The following RBM20 variants were observed in gnomAD, a reference collection of about 807,000 sequenced individuals.
RBM20 encodes the protein RNA binding motif protein 20.
RBM20 carries 51 observed loss-of-function variants against 110.1 expected under a neutral mutation model. The observed-to-expected ratio is 0.46, with a 90% confidence interval of 0.37 to 0.59. The LOEUF (loss-of-function observed/expected upper bound fraction) is 0.59. RBM20 is among the 20% of genes least tolerant of loss of function. The pLI is 0.00. For synonymous variants in RBM20, 589 were observed against 618.2 expected, an observed-to-expected ratio of 0.95 and a Z score of 0.70; for missense variants, 1,512 against 1,574.9, an observed-to-expected ratio of 0.96 and a Z score of 0.68.
intron 5 of RBM20, among the ~76,000 whole-genome samples, chr10:110,786,464 C>T (rs1844420114): frequency 6.6e-6 from 1 of 152,244 alleles, no homozygotes; most frequent in African/African-American, 2.4e-5. Flanking sequence ...TGAGGCCTGC[C>T]TGAGCCCAGG....
Position 110,685,359 on chromosome 10 carries a change from T to C in RBM20, c.191+40714T>C, listed in dbSNP as rs556387352. On this transcript the variant is annotated intron_variant, in intron 1 of 13. Transcript: ENST00000369519. ...GGTGATCTATTTTCGACTTGGAGACTGGTGACAAAGCTGTCTTCTGTCAGG... is the reference window on the plus strand; with the variant it reads ...GGTGATCTATTTTCGACTTGGAGACCGGTGACAAAGCTGTCTTCTGTCAGG... Among the ~76,000 whole-genome samples, 4 of 152,290 alleles carry C rather than the reference T, an allele frequency of 2.6e-5. No individual in the cohort carries two copies. The South Asian group carries it at 8.3e-4, about 32-fold the overall frequency.
rs971703468 is a variant in RBM20, at chr10:110,781,130, C to G, written c.521C>G (p.Pro174Arg). 4 of 1,551,684 alleles carry G rather than the reference C, an allele frequency of 2.6e-6. No homozygotes were observed. The highest frequency in any genetic ancestry group is 2.7e-5 in the African/African-American group (2 of 73,046). ...FPSNAIAFSP[P>R]SQTRGPGPSM... Reference sequence around the variant, plus strand: ...TCTAATGCAATTGCCTTTTCACCCCCCAGCCAGACACGAGGCCCCGGACCC... The same window carrying G: ...TCTAATGCAATTGCCTTTTCACCCCGCAGCCAGACACGAGGCCCCGGACCC... Residue 174 changes from proline to arginine, a missense_variant, in exon 2 of 14, where the codon CCC becomes CGC. Physicochemically the swap from Pro to Arg is moderately radical, Grantham distance 103 (BLOSUM62 -2). This residue lies in a region of RBM20 where 1,149 missense variants were observed against 1,169.4 expected (regional missense o/e 0.98). Transcript: ENST00000369519.
At chr10:110,816,958 C>T (rs1447052345) in intron 9 of RBM20, among the ~76,000 whole-genome samples, 1 of 152,202 alleles carries the variant, frequency 6.6e-6, no homozygotes, top group African/African-American at 2.4e-5. Flanking sequence ...AGCCAGTGTG[C>T]GTGCTGCTCC....
intron 1 of RBM20, among the ~76,000 whole-genome samples, chr10:110,710,960 A>G (rs66945442): frequency 0.26 from 40,253 of 151,932 alleles, 5,564 homozygotes; most frequent in African/African-American, 0.31. Flanking sequence ...CACCCCTAGA[A>G]GGGAATCCGG....
At chr10:110,675,021 A>G (rs1392881198) in intron 1 of RBM20, among the ~76,000 whole-genome samples, 4 of 152,224 alleles carry the variant, frequency 2.6e-5, no homozygotes, top group Non-Finnish European at 5.9e-5. Context: ...TTCTGTATCC[A>G]TGGTACATTG....
chr10:110,774,833 G>A (rs1281610360), intron 1 of RBM20, among the ~76,000 whole-genome samples: 1 of 152,132 alleles, frequency 6.6e-6, no homozygotes, highest in Admixed American at 6.5e-5. Flanking sequence ...TGTCACCTTT[G>A]TAACCTGACA....
intron 5 of RBM20, among the ~76,000 whole-genome samples, chr10:110,789,685 C>T (rs1005889785): frequency 5.9e-5 from 9 of 152,044 alleles, no homozygotes; most frequent in Admixed American, 1.3e-4. Context: ...TTGACAGAGA[C>T]GGGACACTGC....
intron 9 of RBM20, among the ~76,000 whole-genome samples, chr10:110,819,443 G>T (rs1844880476): frequency 6.6e-6 from 1 of 152,230 alleles, no homozygotes; most frequent in Non-Finnish European, 1.5e-5. Context: ...TAAAGGTTGG[G>T]TAGAGGCCCT....
At chr10:110,810,298 A>C (rs1844747891) in intron 7 of RBM20, 85 bp from the exon 8 acceptor site, 1 of 970,216 alleles carries the variant, frequency 1.0e-6, no homozygotes, top group South Asian at 1.4e-5. Context: ...TGGACCAGGC[A>C]ATGAATGACC....
At chr10:110,691,861 C>T (rs368112999) in intron 1 of RBM20, among the ~76,000 whole-genome samples, 9 of 152,170 alleles carry the variant, frequency 5.9e-5, no homozygotes, top group East Asian at 1.9e-4. Context: ...TCCAATGTTA[C>T]GAAGCATTCC....
At chr10:110,711,053 G>A (rs1161543882) in intron 1 of RBM20, among the ~76,000 whole-genome samples, 1 of 152,020 alleles carries the variant, frequency 6.6e-6, no homozygotes, top group Non-Finnish European at 1.5e-5. Flanking sequence ...GAGGACTTGT[G>A]GGGTGCGTGT....
chr10:110,709,157 G>A (rs1450110150), intron 1 of RBM20, among the ~76,000 whole-genome samples: 1 of 152,170 alleles, frequency 6.6e-6, no homozygotes, highest in Non-Finnish European at 1.5e-5. Flanking sequence ...TGCAGGGTCA[G>A]GTTCAATGTG....
At chr10:110,760,003 T>G (rs1360266876) in intron 1 of RBM20, among the ~76,000 whole-genome samples, 4 of 152,048 alleles carry the variant, frequency 2.6e-5, no homozygotes, top group Non-Finnish European at 5.9e-5. Context: ...TCAGTGGTGG[T>G]GGGGGGCACA....
rs984237818 is a variant in RBM20 at position 110,784,650 on chromosome 10, C to T, written c.1430-142C>T. Reference sequence around the variant, plus strand: ...GACGTAAAGCTTTGCTGATTATCAGCATGTCCAGAGGTACAATCATGCCAA... The same window carrying T: ...GACGTAAAGCTTTGCTGATTATCAGTATGTCCAGAGGTACAATCATGCCAA... On this transcript the variant is annotated intron_variant, in intron 4 of 13. Coordinates refer to ENST00000369519, the MANE Select transcript of RBM20 (RefSeq NM_001134363.3). The T allele has an allele frequency of 4.2e-6, 3 of 711,676 alleles. No homozygotes were observed. The African/African-American group carries it at 5.3e-5, about 12-fold the overall frequency. 44.1% of individuals were successfully genotyped at this position (711,676 alleles called of 1,614,324 possible). A position where few individuals can be genotyped will look rare whatever the true frequency, so the allele number is the denominator to read the frequency against.
At chr10:110,801,700 C>T (rs1404731953) in intron 7 of RBM20, among the ~76,000 whole-genome samples, 5 of 116,744 alleles carry the variant, frequency 4.3e-5, no homozygotes, top group African/African-American at 1.0e-4. Flanking sequence ...TGCCTGGCTA[C>T]TTTTTTTTTT....
chr10:110,823,018 A>C (rs1412090996), intron 11 of RBM20, among the ~76,000 whole-genome samples: 2 of 152,200 alleles, frequency 1.3e-5, no homozygotes, highest in African/African-American at 4.8e-5. Flanking sequence ...GAGGCTCATT[A>C]ACTGACCCAG....
chr10:110,789,046 C>T (rs924536526), intron 5 of RBM20, among the ~76,000 whole-genome samples: 4 of 152,230 alleles, frequency 2.6e-5, no homozygotes, highest in Admixed American at 6.5e-5. Context: ...TCTGGTCCTG[C>T]GCCAGCACTT....
chr10:110,779,644 T>A (rs539143591), intron 1 of RBM20, among the ~76,000 whole-genome samples: 1 of 152,308 alleles, frequency 6.6e-6, no homozygotes, highest in African/African-American at 2.4e-5. Flanking sequence ...GCCATCAACC[T>A]GTGGGATCTG....
intron 5 of RBM20, among the ~76,000 whole-genome samples, chr10:110,792,090 C>G (rs1446674293): frequency 6.6e-6 from 1 of 152,170 alleles, no homozygotes; most frequent in Non-Finnish European, 1.5e-5. Flanking sequence ...TTCACTACTC[C>G]TTTATATTTT....
Sources: gnomAD v4.1 joint callset for allele counts (sites outside exome capture counted in the v4.1 genomes callset) on GRCh38, gnomAD v4.1.1 for gene constraint, gnomAD v4.1.1 regional missense constraint, MANE v1.5 for transcripts, NCBI Gene and HGNC (gene_info 2026-07-23, HGNC 2026-07-21) for gene names.